The following HMCES variants were observed in gnomAD, a reference collection of about 807,000 sequenced individuals.
HMCES encodes the protein abasic site processing protein HMCES.
A neutral mutation model predicts 35.1 loss-of-function variants in HMCES; 27 were observed. The observed-to-expected ratio is 0.77, with a 90% CI of 0.57 to 1.06. The LOEUF (loss-of-function observed/expected upper bound fraction) is 1.06, where lower values mean the gene tolerates loss of function less well. HMCES is among the 50% of genes least tolerant of loss of function. HMCES has a pLI of 0.00. For synonymous variants in HMCES, 130 were observed against 154.7 expected, an observed-to-expected ratio of 0.84 and a Z score of 1.18; for missense variants, 391 against 430.4, an observed-to-expected ratio of 0.91 and a Z score of 0.81.
chr3:129,287,767 G>A (rs1940675963), intron 2 of HMCES, among the ~76,000 whole-genome samples: 1 of 152,164 alleles, frequency 6.6e-6, no homozygotes, highest in African/African-American at 2.4e-5. Flanking sequence ...GAGCCTAAGA[G>A]TTCGAGACCA....
At chr3:129,280,272 G>A (rs1227218025) in intron 2 of HMCES, among the ~76,000 whole-genome samples, 4 of 152,132 alleles carry the variant, frequency 2.6e-5, no homozygotes, top group Admixed American at 1.3e-4. Flanking sequence ...AAGGCCAGGT[G>A]CCATGGCTCA....
At chr3:129,291,224 A>T (rs1460869515) in intron 4 of HMCES, among the ~76,000 whole-genome samples, 1 of 152,246 alleles carries the variant, frequency 6.6e-6, no homozygotes, top group Non-Finnish European at 1.5e-5. Context: ...AAATGAAATG[A>T]AATGAGCTCA....
intron 5 of HMCES, among the ~76,000 whole-genome samples, chr3:129,299,648 CTTTTT>C (rs34382705): frequency 1.8e-5 from 2 of 110,104 alleles, no homozygotes; most frequent in African/African-American, 3.5e-5. Context: ...ATAGGTGCTT[CTTTTT>C]TTTTTTTTTT....
At position 129,279,788 on chromosome 3, in the gene HMCES, C is replaced by G. The variant is rs776254014; in HGVS notation, c.56C>G (p.Ala19Gly). The G allele has an allele frequency of 2.5e-6, 4 of 1,613,772 alleles. No homozygotes were observed. The highest frequency in any genetic ancestry group is 1.6e-4 in the Middle Eastern group (1 of 6,062). Residue 19 changes from alanine to glycine, a missense_variant, in exon 2 of 7, where the codon GCC becomes GGC. Physicochemically the swap from Ala to Gly is moderately conservative, Grantham distance 60 (BLOSUM62 0). Coordinates refer to ENST00000383463, the MANE Select transcript of HMCES (RefSeq NM_020187.3). The surrounding 1 kb of genome is among the most constrained non-coding windows in gnomAD (Gnocchi z 4.2). The stretch of plus-strand genomic sequence containing the variant: ...AGAGATGTTCTCACGAGAGCTTGCG[C>G]CTACCAGGATCGGCGGGGCCAGCAG... ...LPRDVLTRAC[A>G]YQDRRGQQRL... is the part of the protein sequence containing the mutation.
At chr3:129,291,882 G>A (rs1205490024) in intron 4 of HMCES, among the ~76,000 whole-genome samples, 2 of 152,136 alleles carry the variant, frequency 1.3e-5, no homozygotes, top group Non-Finnish European at 2.9e-5. Flanking sequence ...CTTGAGCTCA[G>A]GAGTTCAAGA....
chr3:129,282,944 T>G (rs1940538519), intron 2 of HMCES, among the ~76,000 whole-genome samples: 1 of 152,218 alleles, frequency 6.6e-6, no homozygotes, highest in African/African-American at 2.4e-5. Context: ...TTGTCAAGGG[T>G]ACACTCTCAG....
rs367763626 is a variant in HMCES at position 129,302,093 on chromosome 3, G to A, written c.779G>A (p.Arg260Gln). ...GTCTCTTCTGTGGTGAACAACTCGC[G>A]AAACAACACTCCTGAGTGTCTGGCT... ...HAVSSVVNNSRNNTPECLAPV... is the reference protein window; with the variant it reads ...HAVSSVVNNSQNNTPECLAPV... The change falls in exon 6 of 7, where the codon CGA (arginine) becomes CAA (glutamine). Residue 260 changes from arginine to glutamine, a missense_variant. Transcript: ENST00000383463. 2.4e-5 allele frequency: 38 copies of A among 1,613,924 alleles called. No individual in the cohort carries two copies. Among genetic ancestry groups the A allele is most frequent in the Middle Eastern group, 1.6e-4 (1 of 6,082 alleles).
chr3:129,304,381 G>A (rs1307960286), intron 6 of HMCES, among the ~76,000 whole-genome samples: 1 of 152,190 alleles, frequency 6.6e-6, no homozygotes, highest in African/African-American at 2.4e-5. Context: ...ACAATCCTCT[G>A]TGAAACCTTC....
Position 129,306,108 on chromosome 3 carries a change from A to G in HMCES, c.*1283A>G, listed in dbSNP as rs2071231061. On this transcript the variant is annotated 3_prime_UTR_variant, in exon 7 of 7. Transcript: ENST00000383463. ...TGGGATTTGGTTGTTTTATTAAGAG[A>G]TTTAAAAAATTCAGATGACTTACTA... The G allele has an allele frequency of 1.3e-5, 2 of 152,168 alleles. No homozygotes were observed. Among genetic ancestry groups the G allele is most frequent in the African/African-American group, 4.8e-5 (2 of 41,414 alleles). 9.4% of individuals were successfully genotyped at this position (152,168 alleles called of 1,614,324 possible). A position where few individuals can be genotyped will look rare whatever the true frequency, so the allele number is the denominator to read the frequency against.
At chr3:129,302,234 C>G in intron 6 of HMCES, 92 bp downstream of exon 6, 2 of 1,135,484 alleles carry the variant, frequency 1.8e-6, no homozygotes, top group Non-Finnish European at 2.5e-6. Context: ...TATGATCAGC[C>G]CTTTAATTTG....
intron 6 of HMCES, among the ~76,000 whole-genome samples, chr3:129,303,634 A>C (rs1315728929): frequency 6.6e-6 from 1 of 152,192 alleles, no homozygotes; most frequent in East Asian, 1.9e-4. Context: ...AGCACTTAAA[A>C]AGTTTAGGAT....
intron 4 of HMCES, among the ~76,000 whole-genome samples, chr3:129,298,145 T>A (rs1274874917): frequency 6.6e-6 from 1 of 152,236 alleles, no homozygotes; most frequent in Non-Finnish European, 1.5e-5. Flanking sequence ...AGGTGTTAAA[T>A]TCTGAAAGTA....
chr3:129,286,303 C>T (rs960585000), intron 2 of HMCES, among the ~76,000 whole-genome samples: 1 of 152,104 alleles, frequency 6.6e-6, no homozygotes, highest in South Asian at 2.1e-4. Context: ...AAAAGACACC[C>T]CAGAGATACC....
chr3:129,299,503 G>C (rs2071134176), intron 5 of HMCES, among the ~76,000 whole-genome samples: 1 of 152,062 alleles, frequency 6.6e-6, no homozygotes, highest in Non-Finnish European at 1.5e-5. Context: ...TCTCCCAATA[G>C]CAGAAAGCTT....
At chr3:129,292,791 GT>G (rs2071040320) in intron 4 of HMCES, among the ~76,000 whole-genome samples, 1 of 152,068 alleles carries the variant, frequency 6.6e-6, no homozygotes, top group African/African-American at 2.4e-5. Context: ...GCCGAGAAAA[GT>G]TTTTTATTTC....
At chr3:129,296,142 C>T (rs2071089376) in intron 4 of HMCES, among the ~76,000 whole-genome samples, 1 of 152,094 alleles carries the variant, frequency 6.6e-6, no homozygotes, top group Non-Finnish European at 1.5e-5. Context: ...CTCACTGCAA[C>T]CCCTACTTCC....
intron 2 of HMCES, among the ~76,000 whole-genome samples, chr3:129,285,132 C>T (rs1004545991): frequency 2.0e-5 from 3 of 152,116 alleles, no homozygotes; most frequent in Non-Finnish European, 2.9e-5. Context: ...TCTGCTTTTA[C>T]CCTAATTTCT....
chr3:129,282,395 G>T (rs2107685000), intron 2 of HMCES, among the ~76,000 whole-genome samples: 1 of 151,638 alleles, frequency 6.6e-6, no homozygotes, highest in South Asian at 2.1e-4. Flanking sequence ...AAAGATAGAA[G>T]TATACATAGA....
chr3:129,282,623 T>C (rs185145248), intron 2 of HMCES, among the ~76,000 whole-genome samples: 3 of 152,352 alleles, frequency 2.0e-5, no homozygotes, highest in Admixed American at 2.0e-4. Flanking sequence ...CTATGGTTTC[T>C]TAATTTTGAT....
Sources: gnomAD v4.1 joint callset for allele counts (sites outside exome capture counted in the v4.1 genomes callset) on GRCh38, gnomAD v4.1.1 for gene constraint, Gnocchi (gnomAD v3.1) non-coding constraint, MANE v1.5 for transcripts, NCBI Gene and HGNC (gene_info 2026-07-23, HGNC 2026-07-21) for gene names.